LTBP3: variants seen among roughly 807,000 people sequenced by gnomAD.
LTBP3 encodes latent transforming growth factor beta binding protein 3.
In LTBP3, 97 loss-of-function variants were observed where a neutral mutation model predicts 159.7. That is an observed-to-expected ratio of 0.61 (90% CI 0.52 to 0.72). The LOEUF (loss-of-function observed/expected upper bound fraction) is 0.72, where lower values mean the gene tolerates loss of function less well. Ranked by LOEUF, LTBP3 falls within the 30% of genes least tolerant of loss-of-function variation. LTBP3 has a pLI of 0.00. For synonymous variants in LTBP3, 824 were observed against 777.1 expected, an observed-to-expected ratio of 1.06 and a Z score of -1.00; for missense variants, 1,584 against 1,864.3, an observed-to-expected ratio of 0.85 and a Z score of 2.77.
At position 65,539,941 on chromosome 11, in the gene LTBP3, C is replaced by G; in HGVS notation, c.3386-60G>C. ...AAGGCAGGAACCGCCCGCCTCCGCCCCACCCCACCTGCGCGGGGGCCACGT... is the reference window on the plus strand; with the variant it reads ...AAGGCAGGAACCGCCCGCCTCCGCCGCACCCCACCTGCGCGGGGGCCACGT... On this transcript the variant is annotated intron_variant, in intron 24 of 27. Coordinates refer to ENST00000301873, the MANE Select transcript of LTBP3 (RefSeq NM_001130144.3). 2.0e-6 allele frequency: 3 copies of G among 1,467,494 alleles called. No homozygotes were observed. The South Asian group carries it at 4.0e-5, about 20-fold the overall frequency. The allele number at this position is 1,467,494 out of a possible 1,614,324, so 90.9% of individuals were successfully genotyped here.
chr11:65,540,368 G>T lies in LTBP3; in HGVS notation c.3121C>A (p.Leu1041Met). The T allele has an allele frequency of 6.3e-7, 1 of 1,596,728 alleles. No individual in the cohort carries two copies. The highest frequency in any genetic ancestry group is 1.8e-5 in the Admixed American group (1 of 55,966). Residue 1041 changes from leucine (L) to methionine (M), a missense_variant, in exon 23 of 28, where the codon CTG becomes ATG. This residue lies in a region of LTBP3 where 514 missense variants were observed against 530.3 expected (regional missense o/e 0.97). Transcript: ENST00000301873. ...CCGTTCCGGCAGTTGGACTCGTCCA[G>T]GCACTCGTCCACGTCTGCAGGGAGG... The part of the protein sequence containing the change: ...LLECVDVDEC[L>M]DESNCRNGVC...
rs1277162449 is a variant in LTBP3, at chr11:65,558,283, G to A, written c.-324C>T. On this transcript the variant is annotated 5_prime_UTR_variant, in exon 1 of 28. Transcript: ENST00000301873. ...GAAGGCCGGGCGGCCGGCCCGCTCC[G>A]CGCCTCCCCCTGGCCGGGCTCCTCT... 6.5e-6 allele frequency: 6 copies of A among 917,534 alleles called. No individual in the cohort carries two copies. The highest frequency in any genetic ancestry group is 6.6e-6 in the Non-Finnish European group (5 of 752,360). The allele number at this position is 917,534 out of a possible 1,614,324, so 56.8% of individuals were successfully genotyped here.
In LTBP3 at chr11:65,553,843, T is replaced by C; in HGVS notation, c.722A>G (p.Gln241Arg). 1.3e-6 allele frequency: 2 copies of C among 1,558,166 alleles called. No individual in the cohort carries two copies. The highest frequency in any genetic ancestry group is 1.7e-6 in the Non-Finnish European group (2 of 1,160,078). Residue 241 changes from glutamine (Q) to arginine (R), a missense_variant, in exon 3 of 28, where the codon CAG becomes CGG. Coordinates refer to ENST00000301873, the MANE Select transcript of LTBP3 (RefSeq NM_001130144.3). This position sits in a 1 kb window ranked among gnomAD's most constrained non-coding sequence, Gnocchi z 6.5. ...GTTCGAGCTCTCAATGCGGTGCACCTGGACTGAGGCCTCGGGCGGGTGATG... is the reference window on the plus strand; with the variant it reads ...GTTCGAGCTCTCAATGCGGTGCACCCGGACTGAGGCCTCGGGCGGGTGATG... The part of the protein sequence containing the change: ...RVHHPPEASV[Q>R]VHRIESSNAE...
chr11:65,546,873 C>T lies in LTBP3; in HGVS notation c.2155G>A (p.Glu719Lys). Residue 719 changes from glutamate to lysine, a missense_variant, in exon 15 of 28, where the codon GAG (glutamate) becomes AAG (lysine). Around this residue, in one of 6 missense-constraint regions of LTBP3, gnomAD observed 565 missense variants for 677.7 expected, o/e 0.83. Transcript: ENST00000301873. The surrounding 1 kb of genome is among the most constrained non-coding windows in gnomAD (Gnocchi z 4.0). The part of the protein sequence containing the change: ...DPSSCPDGKC[E>K]NKPGSFKCIA... ...CACTTGAAGCTCCCGGGCTTGTTCT[C>T]GCATTTGCCATCCGGGCAAGAGCTT... 1 of 1,612,578 alleles carries T rather than the reference C, an allele frequency of 6.2e-7. No homozygotes were observed. Among genetic ancestry groups the T allele is most frequent in the South Asian group, 1.1e-5 (1 of 91,088 alleles).
Position 65,557,647 on chromosome 11 carries a change from C to T in LTBP3, c.313G>A (p.Gly105Ser), listed in dbSNP as rs1237136445. ...CCCTCACCCACGCGGAAGCCGGAGCCCGTGAGCGTGTCTGTGCTGTGGCCG... is the reference window on the plus strand; with the variant it reads ...CCCTCACCCACGCGGAAGCCGGAGCTCGTGAGCGTGTCTGTGCTGTGGCCG... The part of the protein sequence containing the change: ...ENGHSTDTLT[G>S]SGFRVVVCPL... Residue 105 changes from glycine (G) to serine (S), a missense_variant, in exon 1 of 28, where the codon GGC becomes AGC. Physicochemically the swap from Gly to Ser is moderately conservative, Grantham distance 56. Transcript: ENST00000301873. 6.2e-7 allele frequency: 1 copy of T among 1,610,590 alleles called. No individual in the cohort carries two copies.
rs1449556572 is a variant in LTBP3, at chr11:65,539,309, C to T, written c.3760+19G>A. On this transcript the variant is annotated intron_variant, in intron 27 of 27. Transcript: ENST00000301873. ...ACCACCGGCCCCGCCCCTGCCCCCACCCCCGAAGCCCGGCTCACCCACGCA... is the reference window on the plus strand; with the variant it reads ...ACCACCGGCCCCGCCCCTGCCCCCATCCCCGAAGCCCGGCTCACCCACGCA... 1.7e-5 allele frequency: 26 copies of T among 1,508,924 alleles called. No homozygotes were observed. The highest frequency in any genetic ancestry group is 2.2e-5 in the Non-Finnish European group (25 of 1,125,012). 93.5% of individuals were successfully genotyped at this position (1,508,924 alleles called of 1,614,324 possible). A position where few individuals can be genotyped will look rare whatever the true frequency, so the allele number is the denominator to read the frequency against.
chr11:65,539,073 G>A lies in LTBP3; in HGVS notation c.*7C>T. ...CGAGGTCTGGGCCGAGGGCGGCGTC[G>A]GCGGCGTCAGCGGCGGCGCTGGGGA... On this transcript the variant is annotated 3_prime_UTR_variant, in exon 28 of 28. Coordinates refer to ENST00000301873, the MANE Select transcript of LTBP3 (RefSeq NM_001130144.3). 1.5e-6 allele frequency: 2 copies of A among 1,376,726 alleles called. No homozygotes were observed. The highest frequency in any genetic ancestry group is 9.4e-7 in the Non-Finnish European group (1 of 1,066,480). The allele number at this position is 1,376,726 out of a possible 1,614,324, so 85.3% of individuals were successfully genotyped here. A position where few individuals can be genotyped will look rare whatever the true frequency, so the allele number is the denominator to read the frequency against.
chr11:65,554,320 C>T lies in LTBP3; in HGVS notation c.392G>A (p.Cys131Tyr). The change falls in exon 2 of 28, where the codon TGT (cysteine) becomes TAT (tyrosine). Residue 131 changes from cysteine (C) to tyrosine (Y), a missense_variant. Physicochemically the swap from Cys to Tyr is radical, Grantham distance 194. Around this residue, in one of 6 missense-constraint regions of LTBP3, gnomAD observed 76 missense variants for 133.3 expected, o/e 0.57. Transcript: ENST00000301873. This position sits in a 1 kb window ranked among gnomAD's most constrained non-coding sequence, Gnocchi z 5.3. ...GAAGCGCCCAGTGAAGTCCGGGGGA[C>T]ACAGGCACTGGTTTCGCGAGGAGCA... is the stretch of plus-strand genomic sequence containing the variant. ...GQCSSRNQCL[C>Y]PPDFTGRFCQ... is the part of the protein sequence containing the mutation. 1 of 1,612,272 alleles carries T rather than the reference C, an allele frequency of 6.2e-7. No individual in the cohort carries two copies.
chr11:65,550,838 CAAA>C (rs1284823057), intron 11 of LTBP3, among the ~76,000 whole-genome samples: 1 of 151,728 alleles, frequency 6.6e-6, no homozygotes, highest in African/African-American at 2.4e-5. Context: ...AAACAAAAAA[CAAA>C]AAACAAAAAA....
At chr11:65,550,251 T>C (rs2135148992) in intron 11 of LTBP3, among the ~76,000 whole-genome samples, 1 of 150,484 alleles carries the variant, frequency 6.6e-6, no homozygotes, top group South Asian at 2.1e-4. Context: ...CTACTAAAAA[T>C]ACACAAAAAA....
chr11:65,551,515 G>A (rs777202916), intron 9 of LTBP3, 33 bp downstream of exon 9: 1 of 1,614,032 alleles, frequency 6.2e-7, no homozygotes, highest in Admixed American at 1.7e-5. Context: ...TCCCTCGCCT[G>A]CCCACCCCTC....
In LTBP3 at chr11:65,552,360, A is replaced by G; in HGVS notation, c.1233T>C (p.Pro411=). The G allele has an allele frequency of 6.2e-7, 1 of 1,613,980 alleles. No homozygotes were observed. ...TCAGTGGGTGCTGGCACTGGTGCTC[A>G]GGGCTCACCAGGCGGAAACACAGGC... The part of the protein sequence containing the change: ...EKSLCFRLVS[P]EHQCQHPLTT... Residue 411 remains proline (P), a synonymous_variant, in exon 7 of 28, where the codon CCT becomes CCC. Coordinates refer to ENST00000301873, the MANE Select transcript of LTBP3 (RefSeq NM_001130144.3). This position sits in a 1 kb window ranked among gnomAD's most constrained non-coding sequence, Gnocchi z 6.0.
Position 65,552,516 on chromosome 11 carries a change from C to A in LTBP3, c.1187-110G>T. Reference sequence around the variant, plus strand: ...CCGGCCCAGACAACCCTTGATCCCCCATGTGGTCTCTGACCCCATATGACC... The same window carrying A: ...CCGGCCCAGACAACCCTTGATCCCCAATGTGGTCTCTGACCCCATATGACC... On this transcript the variant is annotated intron_variant, in intron 6 of 27. Coordinates refer to ENST00000301873, the MANE Select transcript of LTBP3 (RefSeq NM_001130144.3). This position sits in a 1 kb window ranked among gnomAD's most constrained non-coding sequence, Gnocchi z 6.0. 7.3e-7 allele frequency: 1 copy of A among 1,373,826 alleles called. No homozygotes were observed. The highest frequency in any genetic ancestry group is 1.0e-6 in the Non-Finnish European group (1 of 996,528). The allele number at this position is 1,373,826 out of a possible 1,614,324, so 85.1% of individuals were successfully genotyped here.
Position 65,538,711 on chromosome 11 carries a change from GTGCC to G in LTBP3, c.*365_*368del, listed in dbSNP as rs1855875318. 5 of 1,160,496 alleles carry G rather than the reference GTGCC, an allele frequency of 4.3e-6. No homozygotes were observed. In the African/African-American group the frequency reaches 7.7e-5, roughly 18 times the overall value. The allele number at this position is 1,160,496 out of a possible 1,614,324, so 71.9% of individuals were successfully genotyped here. A position where few individuals can be genotyped will look rare whatever the true frequency, so the allele number is the denominator to read the frequency against. ...CAATAAATTCTATTTCACACCCCTT[GTGCC>G]GGGCTCAGTCTAGCCCCTGGGAGGC... is the stretch of plus-strand genomic sequence containing the variant. On this transcript the variant is annotated 3_prime_UTR_variant, in exon 28 of 28. Coordinates refer to ENST00000301873, the MANE Select transcript of LTBP3 (RefSeq NM_001130144.3).
In LTBP3 at chr11:65,539,062, A is replaced by AGGGCGGCGT. The variant is rs982251062; in HGVS notation, c.*9_*17dup. 6 of 1,358,144 alleles carry AGGGCGGCGT rather than the reference A, an allele frequency of 4.4e-6. No homozygotes were observed. The African/African-American group carries it at 4.7e-5, about 11-fold the overall frequency. 84.1% of individuals were successfully genotyped at this position (1,358,144 alleles called of 1,614,324 possible). A position where few individuals can be genotyped will look rare whatever the true frequency, so the allele number is the denominator to read the frequency against. ...TCAGTGATCACCGAGGTCTGGGCCG[A>AGGGCGGCGT]GGGCGGCGTCGGCGGCGTCAGCGGC... On this transcript the variant is annotated 3_prime_UTR_variant, in exon 28 of 28. Coordinates refer to ENST00000301873, the MANE Select transcript of LTBP3 (RefSeq NM_001130144.3).
In LTBP3 at chr11:65,558,092, C is replaced by T; in HGVS notation, c.-133G>A. On this transcript the variant is annotated 5_prime_UTR_variant, in exon 1 of 28. Coordinates refer to ENST00000301873, the MANE Select transcript of LTBP3 (RefSeq NM_001130144.3). The stretch of plus-strand genomic sequence containing the variant: ...GAGGGAGGGCAGCGGGGGAAGCGGG[C>T]GGGAGGGGACCGCGGGGGCCCGGCG... 1 of 704,708 alleles carries T rather than the reference C, an allele frequency of 1.4e-6. No homozygotes were observed. The highest frequency in any genetic ancestry group is 6.1e-5 in the East Asian group (1 of 16,522). The allele number at this position is 704,708 out of a possible 1,614,324, so 43.7% of individuals were successfully genotyped here.
chr11:65,550,020 G>A (rs1218839031), intron 11 of LTBP3, among the ~76,000 whole-genome samples: 5 of 147,852 alleles, frequency 3.4e-5, no homozygotes, highest in African/African-American at 1.2e-4. Flanking sequence ...GATATTGCAT[G>A]AACAAAAACA....
Position 65,558,046 on chromosome 11 carries a change from C to G in LTBP3, c.-87G>C. On this transcript the variant is annotated 5_prime_UTR_variant, in exon 1 of 28. Transcript: ENST00000301873. ...GAAGGGAGTAGAGGGCCGGGAGCCC[C>G]GGGAGAGGGTAGGGGGCAGCGAGGG... The G allele has an allele frequency of 9.5e-7, 1 of 1,052,736 alleles. No homozygotes were observed. Among genetic ancestry groups the G allele is most frequent in the Non-Finnish European group, 1.1e-6 (1 of 871,554 alleles). 65.2% of individuals were successfully genotyped at this position (1,052,736 alleles called of 1,614,324 possible).
intron 21 of LTBP3, 93 bp from the exon 22 acceptor site, chr11:65,540,707 C>CGGGGCCTACAGGAGGGGG: frequency 2.8e-6 from 4 of 1,406,068 alleles, no homozygotes; most frequent in Admixed American, 1.7e-5. Flanking sequence ...CATCCCCGGG[C>CGGGGCCTACAGGAGGGGG]GGGGCCTACA....
Sources: gnomAD v4.1 joint callset for allele counts (sites outside exome capture counted in the v4.1 genomes callset) on GRCh38, gnomAD v4.1.1 for gene constraint, gnomAD v4.1.1 regional missense constraint, Gnocchi (gnomAD v3.1) non-coding constraint, MANE v1.5 for transcripts, NCBI Gene and HGNC (gene_info 2026-07-23, HGNC 2026-07-21) for gene names.